Variants in PARN observed in about 807,000 individuals in gnomAD.
PARN encodes poly(A)-specific ribonuclease.
In PARN, 71 loss-of-function variants were observed where a neutral mutation model predicts 102.8. The ratio of observed to expected loss-of-function variants is 0.69; its 90% confidence interval spans 0.57 to 0.84. The LOEUF is 0.84. PARN is among the 40% of genes least tolerant of loss of function. The pLI is 0.00. For synonymous variants in PARN, 261 were observed against 252.9 expected (o/e 1.03, Z -0.30); for missense variants, 782 against 760.9 (o/e 1.03, Z -0.33).
chr16:14,485,169 G>A (rs1052003715), intron 21 of PARN, among the ~76,000 whole-genome samples: 1 of 152,206 alleles, frequency 6.6e-6, no homozygotes, highest in African/African-American at 2.4e-5. Flanking sequence ...GGAGATAAGC[G>A]GTGAAAGCAG....
At chr16:14,539,859 T>A (rs182941384) in intron 21 of PARN, among the ~76,000 whole-genome samples, 1 of 152,140 alleles carries the variant, frequency 6.6e-6, no homozygotes, top group Non-Finnish European at 1.5e-5. Context: ...GGGGAAAAAA[T>A]TGCGTCTGTA....
At chr16:14,521,413 CAT>C (rs1441942096) in intron 21 of PARN, among the ~76,000 whole-genome samples, 3 of 152,232 alleles carry the variant, frequency 2.0e-5, no homozygotes, top group Non-Finnish European at 4.4e-5. Context: ...TGCAAAGTCA[CAT>C]GTCAGGAAAT....
At chr16:14,451,312 C>A (rs760735004) in intron 22 of PARN, among the ~76,000 whole-genome samples, 10 of 152,172 alleles carry the variant, frequency 6.6e-5, no homozygotes, top group Non-Finnish European at 1.3e-4. Context: ...CCATGCTTCC[C>A]ATAAACTCTG....
chr16:14,551,502 G>T (rs1967301330), intron 21 of PARN, among the ~76,000 whole-genome samples: 1 of 152,060 alleles, frequency 6.6e-6, no homozygotes, highest in Non-Finnish European at 1.5e-5. Flanking sequence ...CCGAGAACCA[G>T]AGGTTGCAGT....
intron 18 of PARN, among the ~76,000 whole-genome samples, chr16:14,560,614 TGTATGA>T (rs912456417): frequency 6.6e-6 from 1 of 152,250 alleles, no homozygotes; most frequent in African/African-American, 2.4e-5. Context: ...TTTTAAATGT[TGTATGA>T]GTATATCACT....
At chr16:14,576,654 G>C (rs1350128599) in intron 18 of PARN, among the ~76,000 whole-genome samples, 1 of 152,302 alleles carries the variant, frequency 6.6e-6, no homozygotes, top group Middle Eastern at 3.4e-3. Flanking sequence ...TATAAAAGCA[G>C]GTAAATCATT....
intron 21 of PARN, among the ~76,000 whole-genome samples, chr16:14,530,444 AC>A (rs1966261681): frequency 1.3e-5 from 2 of 151,820 alleles, no homozygotes; most frequent in Non-Finnish European, 2.9e-5. Context: ...CTGAGTTCAA[AC>A]TCTGTTTACC....
chr16:14,435,895 T>TTC lies in PARN; in HGVS notation c.*820_*821dup, dbSNP rs1960660676. On this transcript the variant is annotated 3_prime_UTR_variant, in exon 24 of 24. Transcript: ENST00000437198. ...GGGACATGTTGTAGATTTGCACGATTTCACACACACACACACACACACACA... is the reference window on the plus strand; with the variant it reads ...GGGACATGTTGTAGATTTGCACGATTTCTCACACACACACACACACACACACA... The TTC allele has an allele frequency of 1.9e-5, 2 of 108,070 alleles. No individual in the cohort carries two copies. The highest frequency in any genetic ancestry group is 4.0e-4 in the South Asian group (1 of 2,470). The allele number at this position is 108,070 out of a possible 1,614,324, so 6.7% of individuals were successfully genotyped here.
intron 22 of PARN, among the ~76,000 whole-genome samples, chr16:14,463,415 A>C (rs935418453): frequency 1.3e-5 from 2 of 152,196 alleles, no homozygotes; most frequent in African/African-American, 2.4e-5. Flanking sequence ...AAAAGAAAAA[A>C]GTAAAATAAC....
rs528058351 is a variant in PARN, at chr16:14,546,902, G to A, written c.1480+5119C>T. Among the ~76,000 whole-genome samples the A allele has an allele frequency of 2.0e-4, 31 of 152,170 alleles. No individual in the cohort carries two copies. In the South Asian group the frequency reaches 3.9e-3, roughly 19 times the overall value. On this transcript the variant is annotated intron_variant, in intron 21 of 23. Coordinates refer to ENST00000437198, the MANE Select transcript of PARN (RefSeq NM_002582.4). ...GAGGTCAGGAGTTCGAGACCAGCCT[G>A]ACCAACATGGTGAACCCTCGTCTCT...
chr16:14,575,913 C>T (rs778009354), intron 18 of PARN, among the ~76,000 whole-genome samples: 16 of 152,146 alleles, frequency 1.1e-4, no homozygotes, highest in East Asian at 1.9e-4. Flanking sequence ...GCACTGTTCT[C>T]GTGATAGTGA....
At chr16:14,464,445 G>A (rs1277810719) in intron 22 of PARN, among the ~76,000 whole-genome samples, 1 of 152,164 alleles carries the variant, frequency 6.6e-6, no homozygotes, top group Non-Finnish European at 1.5e-5. Flanking sequence ...TCTATACCCA[G>A]CAAAAATATC....
chr16:14,596,506 G>A lies in PARN; in HGVS notation c.841-3128C>T, dbSNP rs560136647. Reference sequence around the variant, plus strand: ...TCCAAATACTTTGGGAGGCTGAGGCGCGGGAGACTGCTTGAGCCTAAGAGT... The same window carrying A: ...TCCAAATACTTTGGGAGGCTGAGGCACGGGAGACTGCTTGAGCCTAAGAGT... On this transcript the variant is annotated intron_variant, in intron 12 of 23. Transcript: ENST00000437198. Among the ~76,000 whole-genome samples the A allele has an allele frequency of 3.3e-5, 5 of 152,070 alleles. No individual in the cohort carries two copies. In the South Asian group the frequency reaches 8.3e-4, roughly 25 times the overall value.
intron 22 of PARN, among the ~76,000 whole-genome samples, chr16:14,465,673 T>C (rs983457076): frequency 4.6e-5 from 7 of 152,036 alleles, no homozygotes; most frequent in East Asian, 1.9e-4. Context: ...CTGAAGTTCA[T>C]AGGGAAATAC....
intron 6 of PARN, among the ~76,000 whole-genome samples, chr16:14,615,148 T>C (rs1342243754): frequency 2.0e-5 from 3 of 151,978 alleles, no homozygotes; most frequent in Admixed American, 6.6e-5. Flanking sequence ...AGGGTCTAAG[T>C]CAGATTTAGA....
intron 13 of PARN, among the ~76,000 whole-genome samples, chr16:14,586,869 C>A (rs1969890171): frequency 6.6e-6 from 1 of 152,194 alleles, no homozygotes; most frequent in African/African-American, 2.4e-5. Context: ...CTTGGAAACA[C>A]AGGCTTTTCA....
intron 21 of PARN, among the ~76,000 whole-genome samples, chr16:14,527,277 C>T (rs1232530434): frequency 6.6e-6 from 1 of 152,220 alleles, no homozygotes; most frequent in Non-Finnish European, 1.5e-5. Context: ...TTAACCTTTA[C>T]AAGGAAAGCA....
chr16:14,621,550 C>T (rs937875782), intron 5 of PARN, among the ~76,000 whole-genome samples: 6 of 152,194 alleles, frequency 3.9e-5, no homozygotes, highest in African/African-American at 1.2e-4. Context: ...CGGTGGCTCA[C>T]GCCTGTAATC....
intron 18 of PARN, among the ~76,000 whole-genome samples, chr16:14,563,476 T>G (rs1009516666): frequency 4.9e-5 from 7 of 143,648 alleles, no homozygotes; most frequent in Non-Finnish European, 7.5e-5. Flanking sequence ...GAAAATTCCT[T>G]TGTGTGTGTG....
Sources: gnomAD v4.1 joint callset for allele counts (sites outside exome capture counted in the v4.1 genomes callset) on GRCh38, gnomAD v4.1.1 for gene constraint, MANE v1.5 for transcripts, NCBI Gene and HGNC (gene_info 2026-07-23, HGNC 2026-07-21) for gene names.